IVD: variants seen among roughly 807,000 people sequenced by gnomAD.
The protein encoded by IVD is isovaleryl-CoA dehydrogenase.
A neutral mutation model predicts 51.3 loss-of-function variants in IVD; 31 were observed. The observed-to-expected ratio is 0.60, with a 90% CI of 0.45 to 0.81. The LOEUF (loss-of-function observed/expected upper bound fraction) is 0.81. IVD is among the 40% of genes least tolerant of loss of function. The pLI is 0.00. For synonymous variants in IVD, 205 were observed against 219.4 expected (o/e 0.93, Z 0.58); for missense variants, 475 against 552.0 (o/e 0.86, Z 1.40).
chr15:40,424,825 T>C (rs534728798), downstream of IVD, among the ~76,000 whole-genome samples: 9 of 152,348 alleles, frequency 5.9e-5, no homozygotes, highest in East Asian at 1.7e-3. Context: ...ATCTGAACTC[T>C]CCCAATAGCA....
At chr15:40,432,847 G>A (rs764785885) in intron 7 of IVD, among the ~76,000 whole-genome samples, 11 of 152,326 alleles carry the variant, frequency 7.2e-5, no homozygotes, top group Non-Finnish European at 1.6e-4. Flanking sequence ...ACTGCTGGGT[G>A]GACAGAATAC....
At chr15:40,432,681 T>C (rs1180648152) in intron 7 of IVD, among the ~76,000 whole-genome samples, 1 of 152,246 alleles carries the variant, frequency 6.6e-6, no homozygotes, top group Non-Finnish European at 1.5e-5. Flanking sequence ...AGGAATGTGC[T>C]TAGGGATGCC....
chr15:40,416,464 A>G, intron 11 of IVD, 102 bp downstream of exon 11: 1 of 1,058,462 alleles, frequency 9.4e-7, no homozygotes, highest in Non-Finnish European at 1.4e-6. Flanking sequence ...TCACACCTAT[A>G]ATCCCAGCAC....
At chr15:40,406,857 CTTTTT>C (rs1890480676) in intron 1 of IVD, among the ~76,000 whole-genome samples, 1 of 149,408 alleles carries the variant, frequency 6.7e-6, no homozygotes, top group African/African-American at 2.5e-5. Context: ...AGTTTCTTTT[CTTTTT>C]TCTTTTTTTT....
intron 8 of IVD, among the ~76,000 whole-genome samples, chr15:40,434,838 G>A (rs1248307585): frequency 1.3e-5 from 2 of 152,208 alleles, no homozygotes; most frequent in Non-Finnish European, 2.9e-5. Flanking sequence ...ACAGGAAAGG[G>A]CAGGGCTATA....
At chr15:40,417,991 C>A in intron 11 of IVD, 139 bp from the exon 12 acceptor site, 1 of 1,197,288 alleles carries the variant, frequency 8.4e-7, no homozygotes, top group Non-Finnish European at 1.2e-6. Flanking sequence ...TCCCCACACC[C>A]CTCCCTCTTG....
At position 40,413,029 on chromosome 15, in the gene IVD, G is replaced by C. The variant is rs794727857; in HGVS notation, c.726G>C (p.Lys242Asn). Reference protein sequence around the residue: ...PGFSTSKKLDKLGMRGSNTCE... With the variant: ...PGFSTSKKLDNLGMRGSNTCE... Reference sequence around the variant, plus strand: ...TTAGCACCTCTAAGAAGCTGGACAAGCTGGGGATGAGGGGCTCTAACACCT... The same window carrying C: ...TTAGCACCTCTAAGAAGCTGGACAACCTGGGGATGAGGGGCTCTAACACCT... Residue 242 changes from lysine (K) to asparagine (N), a missense_variant, in exon 7 of 12, where the codon AAG becomes AAC. Transcript: ENST00000487418. 15 of 1,614,044 alleles carry C rather than the reference G, an allele frequency of 9.3e-6. No homozygotes were observed. Among genetic ancestry groups the C allele is most frequent in the Admixed American group, 1.7e-5 (1 of 60,016 alleles).
Position 40,416,058 on chromosome 15 carries a change from T to C in IVD, c.961-20T>C. On this transcript the variant is annotated intron_variant, in intron 9 of 11. Coordinates refer to ENST00000487418, the MANE Select transcript of IVD (RefSeq NM_002225.5). ...GAGAGTGTTCCAGCATGTTGACCTG[T>C]GACATCCCTTTGTGCCCAGTTGATG... 2 of 1,611,896 alleles carry C rather than the reference T, an allele frequency of 1.2e-6. No individual in the cohort carries two copies. The highest frequency in any genetic ancestry group is 8.5e-7 in the Non-Finnish European group (1 of 1,177,962).
At chr15:40,427,905 G>C (rs1245233274), downstream of IVD, among the ~76,000 whole-genome samples, 1 of 152,208 alleles carries the variant, frequency 6.6e-6, no homozygotes, top group Non-Finnish European at 1.5e-5. Flanking sequence ...TGGACTGCCA[G>C]GCACGGTGGC....
At chr15:40,415,046 G>GAGT (rs1891505028) in intron 8 of IVD, 64 bp downstream of exon 8, 6 of 1,586,052 alleles carry the variant, frequency 3.8e-6, no homozygotes, top group Non-Finnish European at 4.3e-6. Flanking sequence ...GACCCACCAT[G>GAGT]AGCAGCAGCA....
chr15:40,425,940 G>T (rs644525), downstream of IVD, among the ~76,000 whole-genome samples: 1,664 of 149,660 alleles, frequency 0.011, 33 homozygotes, highest in African/African-American at 0.039. Context: ...CTCTTCAGTA[G>T]CTGGGATTAA....
In IVD at chr15:40,405,976, G is replaced by A. The variant is rs1427853777; in HGVS notation, c.144+5G>A. ...CTAAGCGAGGAGCAGAGGCAGGTGAGGAGACTGACCCCCTTCCTGGCCCCA... is the reference window on the plus strand; with the variant it reads ...CTAAGCGAGGAGCAGAGGCAGGTGAAGAGACTGACCCCCTTCCTGGCCCCA... On this transcript the variant is annotated splice_donor_5th_base_variant and intron_variant, in intron 1 of 11. Transcript: ENST00000487418. 2 of 1,594,624 alleles carry A rather than the reference G, an allele frequency of 1.3e-6. No homozygotes were observed. The highest frequency in any genetic ancestry group is 3.4e-5 in the Admixed American group (2 of 58,022).
rs1468113691 is a variant in IVD, at chr15:40,419,311, G to A, written c.*1048G>A. On this transcript the variant is annotated 3_prime_UTR_variant, in exon 12 of 12. Coordinates refer to ENST00000487418, the MANE Select transcript of IVD (RefSeq NM_002225.5). ...GGATCACTTGCAGTCAGGAGTTCAA[G>A]ACCAGCCTGTCCAACGTGGTGAAAC... is the stretch of plus-strand genomic sequence containing the variant. 1 of 1,034,232 alleles carries A rather than the reference G, an allele frequency of 9.7e-7. No homozygotes were observed. Among genetic ancestry groups the A allele is most frequent in the Non-Finnish European group, 1.3e-6 (1 of 760,486 alleles). 64.1% of individuals were successfully genotyped at this position (1,034,232 alleles called of 1,614,324 possible). A position where few individuals can be genotyped will look rare whatever the true frequency, so the allele number is the denominator to read the frequency against.
intron 5 of IVD, 43 bp downstream of exon 5, chr15:40,411,396 C>T: frequency 3.1e-6 from 5 of 1,605,392 alleles, no homozygotes; most frequent in Non-Finnish European, 3.4e-6. Context: ...GGCAGAGGTA[C>T]AGACATTATC....
At chr15:40,424,769 C>T (rs1011563941), downstream of IVD, among the ~76,000 whole-genome samples, 8 of 152,248 alleles carry the variant, frequency 5.3e-5, no homozygotes, top group Non-Finnish European at 1.2e-4. Flanking sequence ...TTTGTGTATA[C>T]GGTCCTCTCT....
At chr15:40,428,349 G>A (rs1269574520), downstream of IVD, among the ~76,000 whole-genome samples, 1 of 151,906 alleles carries the variant, frequency 6.6e-6, no homozygotes, top group African/African-American at 2.4e-5. Context: ...GCCAGTTCCA[G>A]GTCCTCTTGT....
In IVD at chr15:40,418,519, G is replaced by A. The variant is rs1891960483; in HGVS notation, c.*256G>A. The stretch of plus-strand genomic sequence containing the variant: ...GAAGCATATTGTCTGGGGATTGTTG[G>A]GACAGGTTTTGGTGACTCTGTGCCC... On this transcript the variant is annotated 3_prime_UTR_variant, in exon 12 of 12. Coordinates refer to ENST00000487418, the MANE Select transcript of IVD (RefSeq NM_002225.5). 9 of 1,302,462 alleles carry A rather than the reference G, an allele frequency of 6.9e-6. No individual in the cohort carries two copies. Among genetic ancestry groups the A allele is most frequent in the Admixed American group, 3.1e-5 (1 of 31,890 alleles). 80.7% of individuals were successfully genotyped at this position (1,302,462 alleles called of 1,614,324 possible). A position where few individuals can be genotyped will look rare whatever the true frequency, so the allele number is the denominator to read the frequency against.
At chr15:40,433,330 A>G (rs1893084402) in intron 7 of IVD, among the ~76,000 whole-genome samples, 1 of 152,182 alleles carries the variant, frequency 6.6e-6, no homozygotes, top group African/African-American at 2.4e-5. Flanking sequence ...TGAGGGTTAA[A>G]TAAAGAAACG....
intron 7 of IVD, among the ~76,000 whole-genome samples, chr15:40,414,211 C>G (rs73385112): frequency 0.016 from 2,458 of 152,292 alleles, 72 homozygotes; most frequent in African/African-American, 0.057. Context: ...CAGCCATATA[C>G]CACGCCTATC....
Sources: gnomAD v4.1 joint callset for allele counts (sites outside exome capture counted in the v4.1 genomes callset) on GRCh38, gnomAD v4.1.1 for gene constraint, MANE v1.5 for transcripts, NCBI Gene and HGNC (gene_info 2026-07-23, HGNC 2026-07-21) for gene names.